Variants in SORCS3 observed in about 807,000 individuals in gnomAD.
SORCS3 encodes the protein sortilin related VPS10 domain containing receptor 3, also known as VPS10 domain-containing receptor SorCS3.
Under a neutral mutation model 146.3 loss-of-function variants are expected in SORCS3, and 57 were observed. The observed-to-expected ratio is 0.39, with a 90% confidence interval of 0.31 to 0.49. The LOEUF is 0.49. Ranked by LOEUF, SORCS3 falls within the 20% of genes least tolerant of loss-of-function variation. The pLI is 0.92. For missense variants in SORCS3, 1,341 were observed against 1,575.5 expected (o/e 0.85, Z 2.52); for synonymous variants, 653 against 618.5 (o/e 1.06, Z -0.83).
At chr10:105,079,924 G>A (rs2167622) in intron 5 of SORCS3, among the ~76,000 whole-genome samples, 9,399 of 152,286 alleles carry the variant, frequency 0.062, 335 homozygotes, top group Middle Eastern at 0.099. Flanking sequence ...GTACCATGGT[G>A]TATATGTACC....
chr10:105,084,319 G>A (rs982999964), intron 5 of SORCS3, among the ~76,000 whole-genome samples: 1 of 152,256 alleles, frequency 6.6e-6, no homozygotes, highest in East Asian at 1.9e-4. Flanking sequence ...CACAGGAATG[G>A]TCTCAATACC....
At chr10:105,014,098 CAT>C (rs200358301) in intron 4 of SORCS3, among the ~76,000 whole-genome samples, 22 of 136,028 alleles carry the variant, frequency 1.6e-4, no homozygotes, top group African/African-American at 4.5e-4. Flanking sequence ...CATATATATA[CAT>C]ATATATATAC....
intron 1 of SORCS3, among the ~76,000 whole-genome samples, chr10:104,654,580 T>G (rs2133242051): frequency 6.6e-6 from 1 of 152,366 alleles, no homozygotes; most frequent in South Asian, 2.1e-4. Context: ...AAAAAGATTC[T>G]TGGCATGTCT....
At chr10:104,765,448 G>A (rs1306501020) in intron 1 of SORCS3, among the ~76,000 whole-genome samples, 1 of 152,148 alleles carries the variant, frequency 6.6e-6, no homozygotes, top group Non-Finnish European at 1.5e-5. Context: ...TAAAATGGGA[G>A]GTAATTATTT....
intron 2 of SORCS3, among the ~76,000 whole-genome samples, chr10:104,868,328 A>G (rs1038535791): frequency 7.2e-5 from 11 of 152,270 alleles, no homozygotes; most frequent in African/African-American, 2.2e-4. Flanking sequence ...CTATGAGCAA[A>G]GTTCTAACCC....
At chr10:105,163,247 T>A (rs936857163) in intron 11 of SORCS3, among the ~76,000 whole-genome samples, 1 of 152,208 alleles carries the variant, frequency 6.6e-6, no homozygotes, top group Non-Finnish European at 1.5e-5. Flanking sequence ...AAGCATTAAA[T>A]GTCAGGAGCT....
intron 3 of SORCS3, among the ~76,000 whole-genome samples, chr10:104,945,566 C>CTTTTTTT (rs10707282): frequency 7.4e-6 from 1 of 135,100 alleles, no homozygotes; most frequent in African/African-American, 2.7e-5. Context: ...GCCTAATGTT[C>CTTTTTTT]TTTTTTTTTT....
At chr10:104,879,967 G>A (rs1354431773) in intron 2 of SORCS3, among the ~76,000 whole-genome samples, 1 of 152,140 alleles carries the variant, frequency 6.6e-6, no homozygotes, top group Non-Finnish European at 1.5e-5. Flanking sequence ...GGTGGTGGAG[G>A]TGTTAAGCCT....
chr10:105,018,792 A>G (rs1299340145), intron 4 of SORCS3, among the ~76,000 whole-genome samples: 1 of 150,744 alleles, frequency 6.6e-6, no homozygotes, highest in Non-Finnish European at 1.5e-5. Context: ...ACTCTAAGTG[A>G]ATCTCTCTCT....
At chr10:105,198,134 AC>A (rs1307591797) in intron 14 of SORCS3, among the ~76,000 whole-genome samples, 6 of 152,188 alleles carry the variant, frequency 3.9e-5, no homozygotes, top group African/African-American at 1.4e-4. Flanking sequence ...CATGTGCTTC[AC>A]ATTTTCCTCT....
At position 104,671,325 on chromosome 10, in the gene SORCS3, C is replaced by CTTTTT. The variant is rs771029154; in HGVS notation, c.627+29394_627+29398dup. ...ATGTTAAGGTAGTTTCATTCTTTTC[C>CTTTTT]TTTTTTTTTTTTTTTTTTTTTTTTT... On this transcript the variant is annotated intron_variant, in intron 1 of 26. Coordinates refer to ENST00000369701, the MANE Select transcript of SORCS3 (RefSeq NM_014978.3). Among the ~76,000 whole-genome samples, 187 of 19,194 alleles carry CTTTTT rather than the reference C, an allele frequency of 9.7e-3. 67 individuals are homozygous for CTTTTT. The highest frequency in any genetic ancestry group is 0.014 in the African/African-American group (72 of 5,274). The allele number at this position is 19,194 out of a possible 152,430, so 12.6% of individuals were successfully genotyped here.
chr10:105,050,191 C>T (rs1311302528), intron 5 of SORCS3, among the ~76,000 whole-genome samples: 1 of 152,070 alleles, frequency 6.6e-6, no homozygotes, highest in Admixed American at 6.6e-5. Context: ...GGGAGACAGC[C>T]TCCAAGTGGG....
chr10:105,120,191 G>A (rs183010062), intron 7 of SORCS3, among the ~76,000 whole-genome samples: 4 of 152,172 alleles, frequency 2.6e-5, no homozygotes, highest in Non-Finnish European at 4.4e-5. Context: ...CCTTTACTTA[G>A]CACTTCTCCT....
At chr10:105,252,929 G>T (rs2056909737) in intron 23 of SORCS3, 23 bp downstream of exon 23, 1 of 1,612,750 alleles carries the variant, frequency 6.2e-7, no homozygotes, top group African/African-American at 1.3e-5. Context: ...AAATCTGGCT[G>T]GGACCCTTGC....
chr10:105,078,750 AC>A (rs1382437555), intron 5 of SORCS3, among the ~76,000 whole-genome samples: 1 of 152,176 alleles, frequency 6.6e-6, no homozygotes, highest in Non-Finnish European at 1.5e-5. Flanking sequence ...TCTCATAAAA[AC>A]AATGACAAGG....
chr10:105,241,702 G>A (rs1382787118), intron 20 of SORCS3, among the ~76,000 whole-genome samples: 1 of 152,128 alleles, frequency 6.6e-6, no homozygotes, highest in Admixed American at 6.5e-5. Context: ...AGAAGGGCAG[G>A]TCATCTCCTC....
chr10:104,962,221 G>T lies in SORCS3; in HGVS notation c.796-15114G>T, dbSNP rs181568339. Among the ~76,000 whole-genome samples, 31 of 152,142 alleles carry T rather than the reference G, an allele frequency of 2.0e-4. No individual in the cohort carries two copies. In the East Asian group the frequency reaches 5.0e-3, roughly 25 times the overall value. ...GCTGGGCTTTCTAGGTAGGGGAGTGGCATGGGCAAAGATAGGAATGTTGCA... is the reference window on the plus strand; with the variant it reads ...GCTGGGCTTTCTAGGTAGGGGAGTGTCATGGGCAAAGATAGGAATGTTGCA... On this transcript the variant is annotated intron_variant, in intron 3 of 26. Transcript: ENST00000369701.
intron 1 of SORCS3, among the ~76,000 whole-genome samples, chr10:104,643,991 A>G (rs530015410): frequency 2.1e-3 from 318 of 152,330 alleles, no homozygotes; most frequent in South Asian, 3.9e-3. Flanking sequence ...TGCAAATAGC[A>G]GTTAACTGTG....
chr10:104,701,721 T>G (rs1325668585), intron 1 of SORCS3, among the ~76,000 whole-genome samples: 1 of 152,224 alleles, frequency 6.6e-6, no homozygotes, highest in Admixed American at 6.5e-5. Flanking sequence ...AGGGTGTAGC[T>G]GTCTGGTTCA....
Sources: allele counts gnomAD v4.1 joint callset (sites outside exome capture counted in the v4.1 genomes callset), GRCh38; gene constraint gnomAD v4.1.1; transcripts MANE v1.5; gene names NCBI Gene and HGNC (gene_info 2026-07-23, HGNC 2026-07-21).